IGDCC3: variants seen among roughly 807,000 people sequenced by gnomAD.
IGDCC3 encodes the protein immunoglobulin superfamily DCC subclass member 3, also known as putative neuronal cell adhesion molecule.
In IGDCC3, 47 loss-of-function variants were observed where a neutral mutation model predicts 72.0. The observed-to-expected ratio is 0.65, with a 90% confidence interval of 0.52 to 0.83. The LOEUF (loss-of-function observed/expected upper bound fraction) is 0.83. IGDCC3 is among the 40% of genes least tolerant of loss of function. The pLI, the probability that IGDCC3 is intolerant of heterozygous loss-of-function variation, is 0.00. For synonymous variants in IGDCC3, 477 were observed against 472.8 expected (o/e 1.01, Z -0.11); for missense variants, 1,038 against 1,091.3 (o/e 0.95, Z 0.69).
rs537912921 is a variant in IGDCC3 at position 65,364,260 on chromosome 15, G to A, written c.409+10837C>T. On this transcript the variant is annotated intron_variant, in intron 2 of 13. Coordinates refer to ENST00000327987, the MANE Select transcript of IGDCC3 (RefSeq NM_004884.4). ...AAATCCCAGCTTCCCCACTTACTGT[G>A]TACCCTCGGCCAATTTAATTAATCA... is the stretch of plus-strand genomic sequence containing the variant. 6.6e-5 allele frequency among the ~76,000 whole-genome samples: 10 copies of A among 152,280 alleles called. No homozygotes were observed. The South Asian group carries it at 1.9e-3, about 28-fold the overall frequency.
At chr15:65,356,551 C>T (rs879342225) in intron 2 of IGDCC3, among the ~76,000 whole-genome samples, 2 of 152,092 alleles carry the variant, frequency 1.3e-5, no homozygotes, top group Non-Finnish European at 2.9e-5. Flanking sequence ...ACTTAGAAAT[C>T]AATCAGAACT....
At chr15:65,361,227 A>G (rs927185690) in intron 2 of IGDCC3, among the ~76,000 whole-genome samples, 1 of 152,044 alleles carries the variant, frequency 6.6e-6, no homozygotes, top group Non-Finnish European at 1.5e-5. Flanking sequence ...CAGGAGTTCA[A>G]GACCAGCCTG....
At chr15:65,347,348 C>A (rs1180809726) in intron 2 of IGDCC3, among the ~76,000 whole-genome samples, 2 of 152,194 alleles carry the variant, frequency 1.3e-5, no homozygotes, top group Admixed American at 1.3e-4. Context: ...CCCTCTGGGA[C>A]CTTTTGGTTC....
In IGDCC3 at chr15:65,335,433, A is replaced by G. The variant is rs1321521383; in HGVS notation, c.555-12T>C. 18 of 1,599,236 alleles carry G rather than the reference A, an allele frequency of 1.1e-5. No homozygotes were observed. The highest frequency in any genetic ancestry group is 1.4e-5 in the Non-Finnish European group (17 of 1,173,658). ...GCAGCAATGTGTACCTGTTGAGGGG[A>G]GGGACATAGTTGGCCACCAGCACAG... On this transcript the variant is annotated splice_polypyrimidine_tract_variant and intron_variant, in intron 3 of 13. Transcript: ENST00000327987.
chr15:65,330,215 C>T lies in IGDCC3; in HGVS notation c.1858+78G>A, dbSNP rs544747515. On this transcript the variant is annotated intron_variant, in intron 11 of 13. Coordinates refer to ENST00000327987, the MANE Select transcript of IGDCC3 (RefSeq NM_004884.4). The stretch of plus-strand genomic sequence containing the variant: ...TGTGGTCTAAGCCTGTGTTTTCAAG[C>T]GTGGCACATGCTATCTCACCCCATT... 3.8e-4 allele frequency: 394 copies of T among 1,040,822 alleles called. 1 individual carries two copies. Among genetic ancestry groups the T allele is most frequent in the Middle Eastern group, 2.9e-3 (14 of 4,756 alleles). 64.5% of individuals were successfully genotyped at this position (1,040,822 alleles called of 1,614,324 possible).
At chr15:65,374,297 C>T (rs2091344665) in intron 2 of IGDCC3, among the ~76,000 whole-genome samples, 1 of 152,190 alleles carries the variant, frequency 6.6e-6, no homozygotes, top group Admixed American at 6.5e-5. Flanking sequence ...CCACTGCCCA[C>T]AGCTCGCCAC....
At chr15:65,368,697 C>T (rs1478883824) in intron 2 of IGDCC3, among the ~76,000 whole-genome samples, 1 of 152,146 alleles carries the variant, frequency 6.6e-6, no homozygotes, top group Non-Finnish European at 1.5e-5. Context: ...ATTCACACCC[C>T]ATCTGGTGAG....
intron 2 of IGDCC3, among the ~76,000 whole-genome samples, chr15:65,371,139 T>C (rs1436404930): frequency 4.6e-5 from 7 of 152,252 alleles, no homozygotes; most frequent in African/African-American, 7.2e-5. Flanking sequence ...CAGCCAGGAT[T>C]GAGACACCTG....
intron 2 of IGDCC3, among the ~76,000 whole-genome samples, chr15:65,358,551 C>T (rs933665085): frequency 1.3e-5 from 2 of 152,218 alleles, no homozygotes; most frequent in Non-Finnish European, 1.5e-5. Flanking sequence ...ACAAGGGTGC[C>T]TGAATGGCCA....
intron 9 of IGDCC3, 28 bp downstream of exon 9, chr15:65,331,022 G>C: frequency 6.2e-7 from 1 of 1,610,094 alleles, no homozygotes; most frequent in Non-Finnish European, 8.5e-7. Context: ...GAGTGCCTGT[G>C]GTTTTGTGCT....
intron 2 of IGDCC3, among the ~76,000 whole-genome samples, chr15:65,360,380 G>T (rs911545251): frequency 1.3e-5 from 2 of 152,224 alleles, no homozygotes; most frequent in Non-Finnish European, 2.9e-5. Flanking sequence ...ATCTTTCTAT[G>T]TAATATCATT....
intron 2 of IGDCC3, among the ~76,000 whole-genome samples, chr15:65,345,437 C>T (rs2091116587): frequency 6.6e-6 from 1 of 151,690 alleles, no homozygotes; most frequent in Admixed American, 6.6e-5. Flanking sequence ...GCCTGTAGTC[C>T]CAGCTACTCA....
chr15:65,327,707 C>T lies in IGDCC3; in HGVS notation c.*1202G>A, dbSNP rs531485793. 5.9e-4 allele frequency: 90 copies of T among 152,682 alleles called. No individual in the cohort carries two copies. Among genetic ancestry groups the T allele is most frequent in the African/African-American group, 2.1e-3 (86 of 41,518 alleles). The allele number at this position is 152,682 out of a possible 1,614,324, so 9.5% of individuals were successfully genotyped here. On this transcript the variant is annotated 3_prime_UTR_variant, in exon 14 of 14. Transcript: ENST00000327987. ...ACCTTGTATAAAAATAGCTTCCGGC[C>T]ATGGCTGCTGACAGTGGATGCTCCC... is the stretch of plus-strand genomic sequence containing the variant.
chr15:65,364,723 A>AG (rs2091280193), intron 2 of IGDCC3, among the ~76,000 whole-genome samples: 1 of 151,586 alleles, frequency 6.6e-6, no homozygotes, highest in South Asian at 2.1e-4. Flanking sequence ...CTCTACCAAA[A>AG]TACAAAAATT....
chr15:65,363,435 T>A (rs1354886704), intron 2 of IGDCC3, among the ~76,000 whole-genome samples: 1 of 152,154 alleles, frequency 6.6e-6, no homozygotes, highest in Non-Finnish European at 1.5e-5. Context: ...TGTGGTTTGG[T>A]GCTCCCTGGA....
rs639812 is a variant in IGDCC3, at chr15:65,327,459, A to G, written c.*1450T>C. The G allele has an allele frequency of 0.86, 130,998 of 152,232 alleles. 56,614 individuals are homozygous for G. The highest frequency in any genetic ancestry group is 1 in the East Asian group (5,175 of 5,180). 9.4% of individuals were successfully genotyped at this position (152,232 alleles called of 1,614,324 possible). On this transcript the variant is annotated 3_prime_UTR_variant, in exon 14 of 14. Transcript: ENST00000327987. ...TTCAGGGTGGAGGTGTCCCTAGAGGATTGGGGGTCAGGGATATTTATGGTC... is the reference window on the plus strand; with the variant it reads ...TTCAGGGTGGAGGTGTCCCTAGAGGGTTGGGGGTCAGGGATATTTATGGTC...
intron 2 of IGDCC3, among the ~76,000 whole-genome samples, chr15:65,337,350 C>T (rs188729434): frequency 1.7e-3 from 252 of 152,264 alleles, no homozygotes; most frequent in African/African-American, 2.5e-3. Context: ...TACATGTGTG[C>T]GGGGCTGTGT....
At chr15:65,356,691 A>C (rs879479981) in intron 2 of IGDCC3, among the ~76,000 whole-genome samples, 1 of 33,198 alleles carries the variant, frequency 3.0e-5, no homozygotes, top group African/African-American at 1.2e-4. Flanking sequence ...TTTAAAGGCG[A>C]GGGTTGGGGG....
At chr15:65,365,266 C>G (rs539317624) in intron 2 of IGDCC3, among the ~76,000 whole-genome samples, 1 of 152,282 alleles carries the variant, frequency 6.6e-6, no homozygotes, top group African/African-American at 2.4e-5. Context: ...ACTTGTGTCT[C>G]TCTCACGGTG....
Sources: gnomAD v4.1 joint callset for allele counts (sites outside exome capture counted in the v4.1 genomes callset) on GRCh38, gnomAD v4.1.1 for gene constraint, MANE v1.5 for transcripts, NCBI Gene and HGNC (gene_info 2026-07-23, HGNC 2026-07-21) for gene names.